Variants in CERS3 observed in about 807,000 individuals in gnomAD.
The protein encoded by CERS3 is LAG1 homolog, ceramide synthase 3.
In CERS3, 33 loss-of-function variants were observed where a neutral mutation model predicts 50.3. That is an observed-to-expected ratio of 0.66 (90% CI 0.50 to 0.88). CERS3 has a LOEUF of 0.88. Among genes scored for constraint, CERS3 ranks in the 40% least tolerant of loss-of-function variants. The probability of loss-of-function intolerance (pLI) is 0.00; values close to 1 mark genes in which losing one functional copy is unlikely to be tolerated. For synonymous variants in CERS3, 176 were observed against 155.2 expected (o/e 1.13, Z -0.99); for missense variants, 470 against 460.3 (o/e 1.02, Z -0.19).
intron 1 of CERS3, among the ~76,000 whole-genome samples, chr15:100,535,509 G>A (rs1395624961): frequency 6.6e-6 from 1 of 152,154 alleles, no homozygotes; most frequent in African/African-American, 2.4e-5. Flanking sequence ...GCAGAAAGAA[G>A]TATCCATATG....
At chr15:100,441,632 T>C (rs2033685958) in intron 11 of CERS3, among the ~76,000 whole-genome samples, 1 of 152,132 alleles carries the variant, frequency 6.6e-6, no homozygotes, top group Admixed American at 6.6e-5. Context: ...AAATGCCTTA[T>C]TTTCTTCTGC....
chr15:100,448,736 G>A (rs2034040662), intron 11 of CERS3, among the ~76,000 whole-genome samples: 1 of 152,236 alleles, frequency 6.6e-6, no homozygotes, highest in African/African-American at 2.4e-5. Context: ...GTTGCTACCA[G>A]GGCTGAAGCA....
intron 11 of CERS3, among the ~76,000 whole-genome samples, chr15:100,449,614 T>C (rs943443103): frequency 6.6e-6 from 1 of 152,016 alleles, no homozygotes; most frequent in Non-Finnish European, 1.5e-5. Context: ...CAATGAAAAA[T>C]TCACAGACAC....
intron 11 of CERS3, among the ~76,000 whole-genome samples, chr15:100,433,555 G>C (rs2033241429): frequency 6.6e-6 from 1 of 152,280 alleles, no homozygotes; most frequent in Non-Finnish European, 1.5e-5. Flanking sequence ...TCTCTGAAGG[G>C]CCACCCAGAA....
At chr15:100,527,181 C>T (rs1021692777) in intron 1 of CERS3, among the ~76,000 whole-genome samples, 1 of 152,098 alleles carries the variant, frequency 6.6e-6, no homozygotes, top group Non-Finnish European at 1.5e-5. Flanking sequence ...CCTATACTCC[C>T]AGCTACTTGG....
intron 11 of CERS3, chr15:100,425,932 A>C (rs1418072502): frequency 6.6e-6 from 1 of 151,976 alleles, no homozygotes; most frequent in Non-Finnish European, 1.5e-5. Flanking sequence ...AGTTCTTACG[A>C]GATCTGGTTG....
rs537600870 is a variant in CERS3 at position 100,435,203 on chromosome 15, C to T, written c.999+20690G>A. On this transcript the variant is annotated intron_variant, in intron 11 of 11. Coordinates refer to ENST00000679737, the MANE Select transcript of CERS3 (RefSeq NM_001378789.1). ...AGAACTAGTATTTTGAAAACCATTG[C>T]CAGAAAACATACAAAGCAAGAACTT... Among the ~76,000 whole-genome samples the T allele has an allele frequency of 2.6e-5, 4 of 152,262 alleles. No individual in the cohort carries two copies. The South Asian group carries it at 8.3e-4, about 32-fold the overall frequency.
At chr15:100,480,240 C>G (rs2035257469) in intron 5 of CERS3, among the ~76,000 whole-genome samples, 194 bp from the exon 6 acceptor site, 1 of 152,120 alleles carries the variant, frequency 6.6e-6, no homozygotes, top group African/African-American at 2.4e-5. Context: ...GAAGGCCTGA[C>G]TTTCTTACCT....
chr15:100,483,784 A>ATTTTTTTTTTTTTTTT (rs1335617514), intron 5 of CERS3, among the ~76,000 whole-genome samples: 1 of 89,438 alleles, frequency 1.1e-5, no homozygotes, highest in East Asian at 3.2e-4. Flanking sequence ...AATTATTATT[A>ATTTTTTTTTTTTTTTT]TTATTTTTTT....
At chr15:100,427,652 G>A (rs991432054) in intron 11 of CERS3, among the ~76,000 whole-genome samples, 3 of 152,128 alleles carry the variant, frequency 2.0e-5, no homozygotes, top group Non-Finnish European at 2.9e-5. Context: ...TCAATCTCTC[G>A]GGTACGATGA....
chr15:100,413,510 G>GACTATACTATACTAT lies in CERS3; in HGVS notation c.1000-10660_1000-10646dup, dbSNP rs56261519. Among the ~76,000 whole-genome samples the GACTATACTATACTAT allele has an allele frequency of 1.6e-3, 245 of 149,756 alleles. 1 individual carries two copies. The highest frequency in any genetic ancestry group is 4.7e-3 in the East Asian group (24 of 5,056). On this transcript the variant is annotated intron_variant, in intron 11 of 11. Coordinates refer to ENST00000679737, the MANE Select transcript of CERS3 (RefSeq NM_001378789.1). ...TTACAAAAAAGTCAACACAACTGACGACTATACTATACTATACTATACTAT... is the reference window on the plus strand; with the variant it reads ...TTACAAAAAAGTCAACACAACTGACGACTATACTATACTATACTATACTATACTATACTATACTAT...
chr15:100,495,979 C>A (rs978259), intron 3 of CERS3, among the ~76,000 whole-genome samples: 149,393 of 152,300 alleles, frequency 0.98, 73,329 homozygotes, highest in East Asian at 1. Context: ...TTCTGTTTTT[C>A]TAGTTTGCCT....
chr15:100,536,508 T>C (rs1349955756), intron 1 of CERS3, among the ~76,000 whole-genome samples: 17 of 152,150 alleles, frequency 1.1e-4, no homozygotes, highest in Admixed American at 9.2e-4. Flanking sequence ...TGGTCTCGAA[T>C]TCCTAAGCTC....
intron 10 of CERS3, among the ~76,000 whole-genome samples, chr15:100,465,730 C>T (rs1411409202): frequency 3.3e-5 from 5 of 150,990 alleles, no homozygotes; most frequent in African/African-American, 1.2e-4. Context: ...AAAATCTTGG[C>T]TCACTGCAAC....
chr15:100,441,082 G>A (rs1277992944), intron 11 of CERS3, among the ~76,000 whole-genome samples: 1 of 152,126 alleles, frequency 6.6e-6, no homozygotes, highest in East Asian at 1.9e-4. Context: ...GCTTTTCTGG[G>A]GGAGGGGCAG....
At chr15:100,403,029 C>T (rs987262578) in intron 11 of CERS3, among the ~76,000 whole-genome samples, 164 bp from the exon 12 acceptor site, 1 of 152,122 alleles carries the variant, frequency 6.6e-6, no homozygotes, top group African/African-American at 2.4e-5. Context: ...ATAAAGCCAA[C>T]CTTAACAAAC....
intron 11 of CERS3, among the ~76,000 whole-genome samples, chr15:100,430,476 T>C (rs1287854804): frequency 6.6e-6 from 1 of 152,218 alleles, no homozygotes; most frequent in African/African-American, 2.4e-5. Flanking sequence ...ACATCTGTAC[T>C]ACAGCTTCCA....
intron 2 of CERS3, among the ~76,000 whole-genome samples, chr15:100,506,542 C>T (rs1487928678): frequency 7.1e-6 from 1 of 141,816 alleles, no homozygotes; most frequent in African/African-American, 2.7e-5. Flanking sequence ...GGAAAACAGG[C>T]TGTTGGTTTC....
chr15:100,480,656 T>A (rs777390000), intron 5 of CERS3, among the ~76,000 whole-genome samples: 13 of 152,196 alleles, frequency 8.5e-5, no homozygotes, highest in Non-Finnish European at 1.5e-4. Flanking sequence ...AAGAAAATTA[T>A]GAGACAATCA....
Sources: allele counts gnomAD v4.1 joint callset (sites outside exome capture counted in the v4.1 genomes callset), GRCh38; gene constraint gnomAD v4.1.1; transcripts MANE v1.5; gene names NCBI Gene and HGNC (gene_info 2026-07-23, HGNC 2026-07-21).